The following TTC1 variants were observed in gnomAD, a reference collection of about 807,000 sequenced individuals.
The protein encoded by TTC1 is tetratricopeptide repeat protein 1.
Under a neutral mutation model 37.6 loss-of-function variants are expected in TTC1, and 31 were observed. The ratio of observed to expected loss-of-function variants is 0.82; its 90% CI spans 0.62 to 1.11. The LOEUF is 1.11. TTC1 is among the 50% of genes most tolerant of loss of function. The probability of loss-of-function intolerance (pLI) is 0.00; values close to 1 mark genes in which losing one functional copy is unlikely to be tolerated. For synonymous variants in TTC1, 127 were observed against 122.4 expected (o/e 1.04, Z -0.25); for missense variants, 351 against 339.0 (o/e 1.04, Z -0.28).
chr5:160,032,054 A>C (rs892072745), intron 2 of TTC1, among the ~76,000 whole-genome samples: 1 of 152,210 alleles, frequency 6.6e-6, no homozygotes, highest in Non-Finnish European at 1.5e-5. Flanking sequence ...GGCCCGTAGC[A>C]CTGATTCCTT....
intron 3 of TTC1, among the ~76,000 whole-genome samples, chr5:160,035,836 G>A (rs1401770321): frequency 6.6e-6 from 1 of 152,038 alleles, no homozygotes; most frequent in Non-Finnish European, 1.5e-5. Context: ...ATCTTAAAGT[G>A]TATATGCTTC....
chr5:160,047,124 G>A (rs1757273421), intron 5 of TTC1, among the ~76,000 whole-genome samples: 1 of 152,110 alleles, frequency 6.6e-6, no homozygotes, highest in African/African-American at 2.4e-5. Context: ...ATAAATACAT[G>A]CCATGTGTAT....
At chr5:160,049,687 T>G in intron 6 of TTC1, 25 bp downstream of exon 6, 5 of 1,515,390 alleles carry the variant, frequency 3.3e-6, no homozygotes, top group Non-Finnish European at 4.4e-6. Flanking sequence ...TTTAAAAATA[T>G]TTTTCCTTCT....
chr5:160,014,149 T>C (rs1255522296), intron 2 of TTC1, among the ~76,000 whole-genome samples: 1 of 151,850 alleles, frequency 6.6e-6, no homozygotes, highest in Non-Finnish European at 1.5e-5. Context: ...GGTCAGGAGT[T>C]CGACCCGAGA....
intron 5 of TTC1, among the ~76,000 whole-genome samples, chr5:160,047,127 A>G (rs1033543805): frequency 2.7e-4 from 41 of 152,222 alleles, no homozygotes; most frequent in Non-Finnish European, 5.9e-5. Flanking sequence ...AATACATGCC[A>G]TGTGTATGGC....
intron 2 of TTC1, among the ~76,000 whole-genome samples, chr5:160,032,515 G>A (rs1024002628): frequency 6.6e-6 from 1 of 151,984 alleles, no homozygotes; most frequent in Non-Finnish European, 1.5e-5. Context: ...TGATAACCAA[G>A]GCTTGTGATC....
At chr5:160,031,474 TGTG>T (rs1756907593) in intron 2 of TTC1, among the ~76,000 whole-genome samples, 2 of 151,250 alleles carry the variant, frequency 1.3e-5, no homozygotes, top group Non-Finnish European at 2.9e-5. Context: ...ATTAGCCAGG[TGTG>T]GTGGTGCATG....
At chr5:160,028,095 C>T (rs922723764) in intron 2 of TTC1, among the ~76,000 whole-genome samples, 2 of 152,130 alleles carry the variant, frequency 1.3e-5, no homozygotes, top group East Asian at 3.9e-4. Context: ...GTCAGGAGAT[C>T]GAGACCATCC....
At position 160,057,100 on chromosome 5, in the gene TTC1, G is replaced by T. The variant is rs970068971; in HGVS notation, c.745+5917G>T. Among the ~76,000 whole-genome samples the T allele has an allele frequency of 6.6e-6, 1 of 152,098 alleles. No homozygotes were observed. Among genetic ancestry groups the T allele is most frequent in the Admixed American group, 6.6e-5 (1 of 15,260 alleles). ...AAGAAACCAATTCCTTGTTGTGGTT[G>T]GTTGTTCCCTCAGTAGAGAATATCA... On this transcript the variant is annotated intron_variant, in intron 7 of 7. Coordinates refer to ENST00000231238, the MANE Select transcript of TTC1 (RefSeq NM_003314.3). The surrounding 1 kb of genome is among the most constrained non-coding windows in gnomAD (Gnocchi z 4.4).
intron 5 of TTC1, among the ~76,000 whole-genome samples, chr5:160,048,421 C>T (rs13354138): frequency 2.6e-4 from 40 of 152,196 alleles, no homozygotes; most frequent in African/African-American, 9.6e-4. Flanking sequence ...TCCCAAAGTG[C>T]TGGGATTATG....
intron 7 of TTC1, among the ~76,000 whole-genome samples, chr5:160,061,092 G>C (rs370923153): frequency 2.6e-5 from 4 of 152,210 alleles, no homozygotes; most frequent in South Asian, 2.1e-4. Flanking sequence ...GACGGGCCTG[G>C]CTCAGGACAG....
chr5:160,017,940 T>C (rs112195826), intron 2 of TTC1, among the ~76,000 whole-genome samples: 9 of 152,296 alleles, frequency 5.9e-5, no homozygotes, highest in African/African-American at 1.2e-4. Context: ...TGTTCTCTCA[T>C]TGGAGAATTA....
chr5:160,044,124 A>AT (rs1262033105), intron 5 of TTC1, among the ~76,000 whole-genome samples: 1 of 151,996 alleles, frequency 6.6e-6, no homozygotes, highest in South Asian at 2.1e-4. Flanking sequence ...TGTGTTTTCT[A>AT]TTTTTTTAGT....
intron 3 of TTC1, 93 bp downstream of exon 3, chr5:160,035,293 ACC>A: frequency 9.3e-7 from 1 of 1,075,016 alleles, no homozygotes; most frequent in Non-Finnish European, 1.3e-6. Context: ...ATCTGAAGAA[ACC>A]CCAAAACCAG....
intron 2 of TTC1, among the ~76,000 whole-genome samples, chr5:160,025,216 T>C (rs1052773295): frequency 4.6e-5 from 7 of 152,092 alleles, no homozygotes; most frequent in African/African-American, 1.7e-4. Context: ...TTAATAGAGA[T>C]GGGGTTTGAC....
At chr5:160,047,205 T>C (rs775976990) in intron 5 of TTC1, among the ~76,000 whole-genome samples, 1 of 152,170 alleles carries the variant, frequency 6.6e-6, no homozygotes, top group African/African-American at 2.4e-5. Flanking sequence ...TGCAAAGTTC[T>C]TTCTTCTTGG....
intron 2 of TTC1, among the ~76,000 whole-genome samples, chr5:160,028,117 G>A (rs1421745453): frequency 6.6e-6 from 1 of 152,036 alleles, no homozygotes; most frequent in African/African-American, 2.4e-5. Context: ...GGCTAACATT[G>A]TGAAACTCTG....
intron 7 of TTC1, among the ~76,000 whole-genome samples, chr5:160,051,839 T>C (rs1757411522): frequency 6.6e-6 from 1 of 152,260 alleles, no homozygotes; most frequent in African/African-American, 2.4e-5. Context: ...CTGTCTGATA[T>C]TTCGCTGGTG....
intron 4 of TTC1, among the ~76,000 whole-genome samples, chr5:160,042,908 G>A (rs746669782): frequency 2.0e-5 from 3 of 152,194 alleles, no homozygotes; most frequent in Admixed American, 2.0e-4. Context: ...AGAAAAAAGC[G>A]ACTTGAATAA....
Sources: allele counts gnomAD v4.1 joint callset (sites outside exome capture counted in the v4.1 genomes callset), GRCh38; gene constraint gnomAD v4.1.1; non-coding constraint Gnocchi (gnomAD v3.1); transcripts MANE v1.5; gene names NCBI Gene and HGNC (gene_info 2026-07-23, HGNC 2026-07-21).